BRD1: variants seen among roughly 807,000 people sequenced by gnomAD.
BRD1 encodes bromodomain containing 1, also known as bromodomain-containing protein 1.
A neutral mutation model predicts 107.7 loss-of-function variants in BRD1; 24 were observed. The observed-to-expected ratio is 0.22, with a 90% CI of 0.16 to 0.31. The LOEUF (loss-of-function observed/expected upper bound fraction) is 0.31, where lower values mean the gene tolerates loss of function less well. BRD1 is among the 10% of genes least tolerant of loss of function. The probability of loss-of-function intolerance (pLI) is 1.00; values close to 1 mark genes in which losing one functional copy is unlikely to be tolerated. For synonymous variants in BRD1, 744 were observed against 686.1 expected, an observed-to-expected ratio of 1.08 and a Z score of -1.32; for missense variants, 1,279 against 1,638.6, an observed-to-expected ratio of 0.78 and a Z score of 3.79.
At chr22:49,778,866 T>C (rs144114484) in intron 8 of BRD1, among the ~76,000 whole-genome samples, 2,135 of 152,194 alleles carry the variant, frequency 0.014, 49 homozygotes, top group African/African-American at 0.049. Flanking sequence ...TTTCACCGTG[T>C]TAGCCAGGAT....
intron 2 of BRD1, among the ~76,000 whole-genome samples, chr22:49,810,655 G>A (rs1261218834): frequency 6.6e-6 from 1 of 152,164 alleles, no homozygotes; most frequent in Non-Finnish European, 1.5e-5. Flanking sequence ...ATGAAAACAT[G>A]GCAAAGATCT....
rs116025310 is a variant in BRD1 at position 49,787,922 on chromosome 22, C to T, written c.2360-35G>A. 2,540 of 1,448,884 alleles carry T rather than the reference C, an allele frequency of 1.8e-3. 50 individuals carry two copies. In the African/African-American group the frequency reaches 0.033, roughly 19 times the overall value. 89.8% of individuals were successfully genotyped at this position (1,448,884 alleles called of 1,614,324 possible). A position where few individuals can be genotyped will look rare whatever the true frequency, so the allele number is the denominator to read the frequency against. On this transcript the variant is annotated intron_variant, in intron 7 of 12. Coordinates refer to ENST00000404760, the MANE Select transcript of BRD1 (RefSeq NM_001304808.3). ...TTATAAATAAAGTGATTTTTGAAAACTGAAGATTATAAAATCTATTATAAA... is the reference window on the plus strand; with the variant it reads ...TTATAAATAAAGTGATTTTTGAAAATTGAAGATTATAAAATCTATTATAAA...
intron 6 of BRD1, among the ~76,000 whole-genome samples, chr22:49,795,835 G>C (rs1307416329): frequency 6.6e-6 from 1 of 152,180 alleles, no homozygotes; most frequent in Non-Finnish European, 1.5e-5. Flanking sequence ...TGAGCCCATG[G>C]AGCCCTGGGC....
Position 49,777,680 on chromosome 22 carries a change from C to T in BRD1, c.2991G>A (p.Ser997=), listed in dbSNP as rs751746487. The change falls in exon 9 of 13, where the codon TCG becomes TCA. Residue 997 remains serine, a splice_region_variant and synonymous_variant. Coordinates refer to ENST00000404760, the MANE Select transcript of BRD1 (RefSeq NM_001304808.3). ...ISSSNSPLCD[S]SFNAPKCGRG... ...AAGCGCAGGGCCGCGGTGCCCACCT[C>T]GAGTCGCAGAGCGGGCTGTTGCTGG... The T allele has an allele frequency of 1.2e-6, 2 of 1,605,514 alleles. No individual in the cohort carries two copies. Among genetic ancestry groups the T allele is most frequent in the Admixed American group, 1.7e-5 (1 of 59,316 alleles).
rs531474527 is a variant in BRD1 at position 49,783,356 on chromosome 22, G to C, written c.2857+4034C>G. The stretch of plus-strand genomic sequence containing the variant: ...AAAAAACAGAGGAAGGGGAAGTAAG[G>C]GGAGAAGGAAATCAGGTAGAAAACC... On this transcript the variant is annotated intron_variant, in intron 8 of 12. Coordinates refer to ENST00000404760, the MANE Select transcript of BRD1 (RefSeq NM_001304808.3). This position sits in a 1 kb window ranked among gnomAD's most constrained non-coding sequence, Gnocchi z 4.2. Among the ~76,000 whole-genome samples the C allele has an allele frequency of 7.2e-5, 11 of 152,360 alleles. No homozygotes were observed. The highest frequency in any genetic ancestry group is 2.4e-4 in the African/African-American group (10 of 41,590).
chr22:49,787,312 C>CGG, intron 8 of BRD1, 78 bp downstream of exon 8: 1 of 817,572 alleles, frequency 1.2e-6, no homozygotes, highest in Non-Finnish European at 1.8e-6. Context: ...CCCCCCCCCC[C>CGG]GTCACACCAA....
intron 2 of BRD1, among the ~76,000 whole-genome samples, chr22:49,816,227 G>A (rs1412952563): frequency 2.6e-5 from 4 of 152,158 alleles, no homozygotes; most frequent in African/African-American, 4.8e-5. Context: ...GCTCTAATCC[G>A]TAACCCTAGC....
chr22:49,787,302 C>CG (rs199851332), intron 8 of BRD1, 88 bp downstream of exon 8: 31,336 of 750,692 alleles, frequency 0.042, 4,905 homozygotes, highest in South Asian at 0.094. Flanking sequence ...GCTGGACACC[C>CG]CCCCCCCCCC....
At position 49,794,297 on chromosome 22, in the gene BRD1, G is replaced by T; in HGVS notation, c.2099-3C>A. On this transcript the variant is annotated splice_polypyrimidine_tract_variant and splice_region_variant and intron_variant, in intron 6 of 12. Transcript: ENST00000404760. Reference sequence around the variant, plus strand: ...GGCGGGGTCCAGCAACCTGTCCACTGAACCAAAGGACACATGCTGTCAGTC... The same window carrying T: ...GGCGGGGTCCAGCAACCTGTCCACTTAACCAAAGGACACATGCTGTCAGTC... The T allele has an allele frequency of 6.2e-7, 1 of 1,605,304 alleles. No individual in the cohort carries two copies. Among genetic ancestry groups the T allele is most frequent in the South Asian group, 1.1e-5 (1 of 90,614 alleles).
chr22:49,815,457 C>G (rs1220552162), intron 2 of BRD1, among the ~76,000 whole-genome samples: 1 of 151,854 alleles, frequency 6.6e-6, no homozygotes, highest in African/African-American at 2.4e-5. Flanking sequence ...GCAGGAGAAT[C>G]GCTTGAACCC....
In BRD1 at chr22:49,824,328, T is replaced by C; in HGVS notation, c.-11A>G. ...TCCTTTCCTCCTCATTTGGTAATGA[T>C]TACCTAAAATGAAGGCAAAAGTAAA... On this transcript the variant is annotated 5_prime_UTR_variant, in exon 2 of 13. Coordinates refer to ENST00000404760, the MANE Select transcript of BRD1 (RefSeq NM_001304808.3). This position sits in a 1 kb window ranked among gnomAD's most constrained non-coding sequence, Gnocchi z 5.9. The C allele has an allele frequency of 1.2e-6, 2 of 1,609,984 alleles. No individual in the cohort carries two copies. The highest frequency in any genetic ancestry group is 2.2e-5 in the East Asian group (1 of 44,784).
At chr22:49,791,282 A>C (rs1188934209) in intron 7 of BRD1, among the ~76,000 whole-genome samples, 2 of 152,234 alleles carry the variant, frequency 1.3e-5, no homozygotes, top group Non-Finnish European at 2.9e-5. Flanking sequence ...GGGCCTGTAC[A>C]AGGGGCAGAC....
In BRD1 at chr22:49,788,498, GA is replaced by G. The variant is rs200770706; in HGVS notation, c.2360-612del. 2.0e-5 allele frequency among the ~76,000 whole-genome samples: 3 copies of G among 151,422 alleles called. 1 individual carries two copies. The highest frequency in any genetic ancestry group is 7.3e-5 in the African/African-American group (3 of 41,326). On this transcript the variant is annotated intron_variant, in intron 7 of 12. Transcript: ENST00000404760. ...CAAATATTGTGATGGGAGCTTTCAG[GA>G]AAAAAAAATCTGACTTTTAAAAATA...
chr22:49,793,945 T>C, intron 7 of BRD1, 89 bp downstream of exon 7: 1 of 1,513,766 alleles, frequency 6.6e-7, no homozygotes, highest in Non-Finnish European at 8.8e-7. Context: ...ACACCAACGC[T>C]GCTGCCCGTG....
chr22:49,790,185 G>A (rs765856925), intron 7 of BRD1, among the ~76,000 whole-genome samples: 7 of 152,120 alleles, frequency 4.6e-5, no homozygotes, highest in East Asian at 3.8e-4. Context: ...TCCCCCAGCC[G>A]GGACCACAGA....
chr22:49,822,808 A>G, intron 2 of BRD1, 143 bp downstream of exon 2: 1 of 945,370 alleles, frequency 1.1e-6, no homozygotes, highest in Non-Finnish European at 1.6e-6. Context: ...AACAAGCAGA[A>G]CCACACTTCA....
In BRD1 at chr22:49,823,799, G is replaced by A. The variant is rs1569143405; in HGVS notation, c.519C>T (p.Arg173=). 1.9e-6 allele frequency: 3 copies of A among 1,614,122 alleles called. No homozygotes were observed. Among genetic ancestry groups the A allele is most frequent in the Non-Finnish European group, 2.5e-6 (3 of 1,180,040 alleles). ...ACACGGCGGGGACGCAGTCGCCCTT[G>A]CGCTTCTCATTGACGATCTCCAGCC... is the stretch of plus-strand genomic sequence containing the variant. ...YAWLEIVNEK[R]KGDCVPAVSQ... is the part of the protein sequence containing the mutation. Residue 173 remains arginine (R), a synonymous_variant, in exon 2 of 13, where the codon CGC becomes CGT. Transcript: ENST00000404760.
Position 49,822,992 on chromosome 22 carries a change from C to A in BRD1, c.1326G>T (p.Ala442=), listed in dbSNP as rs756018433. The A allele has an allele frequency of 2.5e-6, 4 of 1,614,254 alleles. No homozygotes were observed. In the South Asian group the frequency reaches 4.4e-5, roughly 18 times the overall value. ...AAGGAGCGCACACGGTCGGCAGGAC[C>A]GCGCAGGGCTCAGCCAGAGCTTTCT... ...KAKKALAEPC[A]VLPTVCAPYI... Residue 442 remains alanine (A), a synonymous_variant, in exon 2 of 13, where the codon GCG becomes GCT. Coordinates refer to ENST00000404760, the MANE Select transcript of BRD1 (RefSeq NM_001304808.3).
chr22:49,809,900 G>T (rs1349740541), intron 2 of BRD1, among the ~76,000 whole-genome samples: 3 of 152,146 alleles, frequency 2.0e-5, no homozygotes, highest in African/African-American at 7.2e-5. Flanking sequence ...AAAAATGTAA[G>T]CATGACTTAT....
Sources: allele counts gnomAD v4.1 joint callset (sites outside exome capture counted in the v4.1 genomes callset), GRCh38; gene constraint gnomAD v4.1.1; non-coding constraint Gnocchi (gnomAD v3.1); transcripts MANE v1.5; gene names NCBI Gene and HGNC (gene_info 2026-07-23, HGNC 2026-07-21).